The following SPART variants were observed in gnomAD, a reference collection of about 807,000 sequenced individuals.
SPART encodes the protein spartin, also known as spastic paraplegia 20 (Troyer syndrome).
SPART carries 35 observed loss-of-function variants against 58.7 expected under a neutral mutation model. That is an observed-to-expected ratio of 0.60 (90% confidence interval 0.46 to 0.79). SPART has a LOEUF of 0.79. Ranked by LOEUF, SPART falls within the 30% of genes least tolerant of loss-of-function variation. The pLI is 0.00. For synonymous variants in SPART, 284 were observed against 280.7 expected (o/e 1.01, Z -0.12); for missense variants, 730 against 786.1 (o/e 0.93, Z 0.85).
chr13:36,362,996 A>T (rs1305748906), intron 1 of SPART, among the ~76,000 whole-genome samples: 1 of 152,146 alleles, frequency 6.6e-6, no homozygotes, highest in African/African-American at 2.4e-5. Flanking sequence ...TAACATGCAT[A>T]CACATCCTCT....
chr13:36,329,509 C>A lies in SPART; in HGVS notation c.1017G>T (p.Trp339Cys), dbSNP rs1883265553. 6.2e-7 allele frequency: 1 copy of A among 1,613,966 alleles called. No homozygotes were observed. The highest frequency in any genetic ancestry group is 8.5e-7 in the Non-Finnish European group (1 of 1,180,002). ...QMSDLRLQAN[W>C]NRAEEENEFQ... The stretch of plus-strand genomic sequence containing the variant: ...ATTCATTTTCTTCTTCTGCTCTGTT[C>A]CAGTTGGCCTAGAGAATAAAGGTTT... Residue 339 changes from tryptophan (W) to cysteine (C), a missense_variant, in exon 4 of 9, where the codon TGG becomes TGT. By Grantham distance (215) the Trp-to-Cys change is radical (BLOSUM62 -2). Transcript: ENST00000438666.
At chr13:36,324,255 A>G (rs1882693770) in intron 5 of SPART, among the ~76,000 whole-genome samples, 1 of 152,212 alleles carries the variant, frequency 6.6e-6, no homozygotes, top group Non-Finnish European at 1.5e-5. Flanking sequence ...TTCCAAGAGT[A>G]TGTCAGAAAT....
In SPART at chr13:36,335,040, C is replaced by T. The variant is rs185301100; in HGVS notation, c.791G>A (p.Arg264His). The change falls in exon 2 of 9, where the codon CGT (arginine) becomes CAT (histidine). Residue 264 changes from arginine to histidine, a missense_variant. Coordinates refer to ENST00000438666, the MANE Select transcript of SPART (RefSeq NM_015087.5). ...GCTTACCTGAAGAAACCCGGGAGGA[C>T]GGTTTAGAACCGTATCGAGAGAATT... ...LDNSLDTVLN[R>H]PPGFLQVCDW... The T allele has an allele frequency of 8.0e-5, 129 of 1,613,890 alleles. No individual in the cohort carries two copies. Among genetic ancestry groups the T allele is most frequent in the Non-Finnish European group, 1.0e-4 (121 of 1,179,934 alleles).
chr13:36,365,264 A>G (rs1358503415), intron 1 of SPART, among the ~76,000 whole-genome samples: 1 of 152,248 alleles, frequency 6.6e-6, no homozygotes, highest in Non-Finnish European at 1.5e-5. Context: ...TATACAGTGC[A>G]AAGAATTAAG....
At chr13:36,340,060 C>A (rs1273388422) in intron 1 of SPART, among the ~76,000 whole-genome samples, 1 of 150,786 alleles carries the variant, frequency 6.6e-6, no homozygotes, top group Non-Finnish European at 1.5e-5. Context: ...AAGAGCAAGA[C>A]CCCATCTCTA....
chr13:36,314,093 C>G (rs2038291967), intron 6 of SPART, 134 bp downstream of exon 6: 1 of 920,070 alleles, frequency 1.1e-6, no homozygotes, highest in Non-Finnish European at 1.6e-6. Context: ...CTATGAATAA[C>G]AAAGAGAAAC....
At chr13:36,342,039 G>C (rs560248166) in intron 1 of SPART, among the ~76,000 whole-genome samples, 2 of 152,346 alleles carry the variant, frequency 1.3e-5, no homozygotes, top group South Asian at 4.1e-4. Context: ...GCATCTGTGA[G>C]TTGATTGGGA....
intron 4 of SPART, among the ~76,000 whole-genome samples, chr13:36,327,421 T>A (rs564403575): frequency 6.6e-6 from 1 of 152,304 alleles, no homozygotes; most frequent in African/African-American, 2.4e-5. Flanking sequence ...AACTTCTACA[T>A]GGGATAAAAG....
Position 36,304,490 on chromosome 13 carries a change from C to A in SPART, c.1876G>T (p.Glu626Ter). 6.2e-7 allele frequency: 1 copy of A among 1,614,106 alleles called. No individual in the cohort carries two copies. Among genetic ancestry groups the A allele is most frequent in the Non-Finnish European group, 8.5e-7 (1 of 1,180,016 alleles). ...TATQTGHTLL[E>*]DYQIVDNSQR... is the part of the protein sequence containing the mutation. ...GAATTATCAACTATCTGATAGTCCTCAAGGAGAGTGTGTCCTGTTTGTGTT... is the reference window on the plus strand; with the variant it reads ...GAATTATCAACTATCTGATAGTCCTAAAGGAGAGTGTGTCCTGTTTGTGTT... Residue 626 changes from glutamate (E) to a stop codon, truncating the protein, a stop_gained, in exon 9 of 9, where the codon GAG (glutamate) becomes TAG (stop). Transcript: ENST00000438666. LOFTEE classifies it low-confidence loss of function (END_TRUNC).
At chr13:36,336,421 C>G (rs904712694) in intron 1 of SPART, 9 of 152,494 alleles carry the variant, frequency 5.9e-5, no homozygotes, top group African/African-American at 2.2e-4. Flanking sequence ...TGAATAGGCA[C>G]TTCACAGAAG....
rs1168920427 is a variant in SPART, at chr13:36,335,578, G to A, written c.253C>T (p.Leu85=). 1.1e-5 allele frequency: 17 copies of A among 1,613,656 alleles called. No homozygotes were observed. Among genetic ancestry groups the A allele is most frequent in the Non-Finnish European group, 1.4e-5 (17 of 1,179,934 alleles). The change falls in exon 2 of 9, where the codon CTA becomes TTA. Residue 85 remains leucine (L), a synonymous_variant. Coordinates refer to ENST00000438666, the MANE Select transcript of SPART (RefSeq NM_015087.5). ...TCCAGCCTGGTGCGTACATTCTGTA[G>A]AGTTTCTTTCATTTTCTGTTGCATC... The part of the protein sequence containing the change: ...RQMQQKMKET[L]QNVRTRLEIL...
At chr13:36,359,202 T>C (rs1051922831) in intron 1 of SPART, among the ~76,000 whole-genome samples, 1 of 152,234 alleles carries the variant, frequency 6.6e-6, no homozygotes, top group Non-Finnish European at 1.5e-5. Flanking sequence ...TTTCCCTATA[T>C]TGCCTTTAAA....
chr13:36,333,015 T>C (rs540191833), intron 2 of SPART, among the ~76,000 whole-genome samples: 39 of 150,590 alleles, frequency 2.6e-4, no homozygotes, highest in East Asian at 2.4e-3. Context: ...GTTTTTCTTT[T>C]TTTTTTCTTT....
At chr13:36,306,353 A>G (rs901193045) in intron 8 of SPART, among the ~76,000 whole-genome samples, 1 of 152,046 alleles carries the variant, frequency 6.6e-6, no homozygotes, top group Admixed American at 6.6e-5. Flanking sequence ...TGTCTATACA[A>G]AAAGAAAGGT....
At chr13:36,328,524 GCTAGGCTGCATCTT>G (rs1180017257) in intron 4 of SPART, among the ~76,000 whole-genome samples, 2 of 152,196 alleles carry the variant, frequency 1.3e-5, no homozygotes, top group Admixed American at 1.3e-4. Context: ...TATCTGTTAG[GCTAGGCTGCATCTT>G]CTATCTAATA....
intron 1 of SPART, among the ~76,000 whole-genome samples, chr13:36,367,034 T>C (rs941270838): frequency 1.3e-5 from 2 of 152,242 alleles, no homozygotes; most frequent in South Asian, 4.1e-4. Context: ...CGGCCGGAAG[T>C]AGCCGGAAAG....
intron 1 of SPART, among the ~76,000 whole-genome samples, chr13:36,366,525 C>G (rs1443180874): frequency 6.6e-6 from 1 of 152,196 alleles, no homozygotes; most frequent in Admixed American, 6.5e-5. Flanking sequence ...ATTTGCACAT[C>G]TGTTATGTGC....
chr13:36,350,803 G>T (rs189273725), upstream of SPART, among the ~76,000 whole-genome samples: 2 of 152,322 alleles, frequency 1.3e-5, no homozygotes, highest in Admixed American at 1.3e-4. Flanking sequence ...AAGATTTAGG[G>T]AGCTGTGTAT....
At chr13:36,325,352 CT>C (rs915644058) in intron 5 of SPART, among the ~76,000 whole-genome samples, 1 of 152,150 alleles carries the variant, frequency 6.6e-6, no homozygotes, top group African/African-American at 2.4e-5. Flanking sequence ...TTGGCTCTAT[CT>C]TTTTTTCTTG....
Sources: allele counts gnomAD v4.1 joint callset (sites outside exome capture counted in the v4.1 genomes callset), GRCh38; gene constraint gnomAD v4.1.1; transcripts MANE v1.5; gene names NCBI Gene and HGNC (gene_info 2026-07-23, HGNC 2026-07-21).